Variants in TPST2 observed in about 807,000 individuals in gnomAD.
TPST2 encodes the protein protein-tyrosine sulfotransferase 2.
TPST2 carries 16 observed loss-of-function variants against 27.8 expected under a neutral mutation model. The ratio of observed to expected loss-of-function variants is 0.58; its 90% CI spans 0.39 to 0.88. TPST2 has a LOEUF of 0.88. Ranked by LOEUF, TPST2 falls within the 40% of genes least tolerant of loss-of-function variation. The pLI is 0.00. For synonymous variants in TPST2, 229 were observed against 231.7 expected (o/e 0.99, Z 0.10); for missense variants, 464 against 543.1 (o/e 0.85, Z 1.45).
chr22:26,578,845 C>A (rs997440335), intron 1 of TPST2, among the ~76,000 whole-genome samples: 14 of 148,358 alleles, frequency 9.4e-5, no homozygotes, highest in African/African-American at 3.6e-4. Flanking sequence ...GACCCTATTT[C>A]TTTCTTTCTT....
chr22:26,588,858 T>C (rs1421771153), intron 1 of TPST2, among the ~76,000 whole-genome samples: 2 of 152,066 alleles, frequency 1.3e-5, no homozygotes, highest in Non-Finnish European at 2.9e-5. Context: ...GGTTATCACA[T>C]GGAGGCTAGG....
intron 1 of TPST2, among the ~76,000 whole-genome samples, chr22:26,576,507 T>C (rs1480643096): frequency 6.6e-6 from 1 of 151,916 alleles, no homozygotes; most frequent in African/African-American, 2.4e-5. Flanking sequence ...TTTTAACACG[T>C]GCAGAAGTTA....
chr22:26,548,989 T>C (rs1398820167), intron 1 of TPST2, among the ~76,000 whole-genome samples: 63 of 151,740 alleles, frequency 4.2e-4, no homozygotes, highest in Admixed American at 4.0e-3. Context: ...AAATCTGAAA[T>C]CCAAAACCTT....
intron 4 of TPST2, 147 bp downstream of exon 4, chr22:26,536,141 G>T: frequency 9.2e-7 from 1 of 1,089,574 alleles, no homozygotes; most frequent in Non-Finnish European, 1.4e-6. Flanking sequence ...AAGCAATCAT[G>T]TAGTTCACTG....
intron 1 of TPST2, among the ~76,000 whole-genome samples, chr22:26,551,893 T>C (rs867792969): frequency 0.014 from 1,853 of 128,922 alleles, 43 homozygotes; most frequent in African/African-American, 0.063. Flanking sequence ...CTTTTTTTTT[T>C]TTTTTTTTTT....
chr22:26,582,714 C>T (rs915933322), intron 1 of TPST2, among the ~76,000 whole-genome samples: 7 of 152,122 alleles, frequency 4.6e-5, no homozygotes, highest in Non-Finnish European at 8.8e-5. Context: ...AGTGGCTATC[C>T]GTGCAGTGCT....
intron 5 of TPST2, 99 bp from the exon 6 acceptor site, chr22:26,528,361 G>T: frequency 7.3e-7 from 1 of 1,377,988 alleles, no homozygotes. Context: ...TCATGCACAT[G>T]CTTATTCACG....
intron 1 of TPST2, among the ~76,000 whole-genome samples, chr22:26,558,194 A>C (rs1276922287): frequency 6.6e-6 from 1 of 150,702 alleles, no homozygotes; most frequent in African/African-American, 2.4e-5. Context: ...GCTGGAGTGC[A>C]ATGGAGCAAT....
In TPST2 at chr22:26,540,896, G is replaced by C. The variant is rs780103356; in HGVS notation, c.735C>G (p.Pro245=). The part of the protein sequence containing the change: ...PVYYEQLVLH[P]RRSLKLILDF... The stretch of plus-strand genomic sequence containing the variant: ...CGAGGATGAGCTTGAGTGAGCGCCT[G>C]GGGTGCAGCACCAGCTGCTCGTAGT... The change falls in exon 3 of 7, where the codon CCC becomes CCG. Residue 245 remains proline (P), a synonymous_variant. Coordinates refer to ENST00000338754, the MANE Select transcript of TPST2 (RefSeq NM_003595.5). The C allele has an allele frequency of 1.7e-5, 28 of 1,614,054 alleles. No homozygotes were observed. Among genetic ancestry groups the C allele is most frequent in the Non-Finnish European group, 2.4e-5 (28 of 1,180,044 alleles).
At chr22:26,550,050 A>AC (rs60171991) in intron 1 of TPST2, among the ~76,000 whole-genome samples, 1 of 62,524 alleles carries the variant, frequency 1.6e-5, no homozygotes, top group Non-Finnish European at 3.2e-5. Context: ...AAAAAAAAAA[A>AC]CAAAAAAAAC....
chr22:26,536,723 C>G (rs1022193066), intron 3 of TPST2, among the ~76,000 whole-genome samples: 1 of 152,158 alleles, frequency 6.6e-6, no homozygotes, highest in African/African-American at 2.4e-5. Context: ...CAGTATACAC[C>G]ATTGGTACAT....
chr22:26,569,738 T>TC (rs978180887), intron 1 of TPST2, among the ~76,000 whole-genome samples: 2 of 151,442 alleles, frequency 1.3e-5, no homozygotes, highest in African/African-American at 4.9e-5. Context: ...TCACCTGAGG[T>TC]CAGGAGTTCA....
intron 5 of TPST2, among the ~76,000 whole-genome samples, chr22:26,528,570 G>A (rs1184215317): frequency 1.3e-5 from 2 of 152,118 alleles, no homozygotes; most frequent in East Asian, 1.9e-4. Flanking sequence ...CTTCAAAAAC[G>A]GTGGCCAGGA....
intron 1 of TPST2, among the ~76,000 whole-genome samples, chr22:26,564,817 C>A (rs2267093): frequency 6.6e-6 from 1 of 152,158 alleles, no homozygotes; most frequent in Non-Finnish European, 1.5e-5. Context: ...TGAGTTATAG[C>A]CATGGAAGGG....
intron 5 of TPST2, among the ~76,000 whole-genome samples, chr22:26,529,730 C>G (rs913620385): frequency 6.6e-6 from 1 of 152,120 alleles, no homozygotes; most frequent in African/African-American, 2.4e-5. Context: ...GAGTTGTATT[C>G]TTTTTTATGA....
intron 1 of TPST2, among the ~76,000 whole-genome samples, chr22:26,563,362 A>C (rs1602289358): frequency 1.3e-4 from 17 of 129,342 alleles, no homozygotes; most frequent in East Asian, 4.5e-4. Context: ...ACAGAGTCTC[A>C]CTCCAGCCCA....
chr22:26,579,428 T>C (rs1157849564), intron 1 of TPST2, among the ~76,000 whole-genome samples: 1 of 151,898 alleles, frequency 6.6e-6, no homozygotes, highest in East Asian at 2.0e-4. Flanking sequence ...TGGGGCCCGG[T>C]GGGGAAGGGA....
At chr22:26,548,577 AAAAG>A (rs1926261220) in intron 1 of TPST2, among the ~76,000 whole-genome samples, 3 of 129,982 alleles carry the variant, frequency 2.3e-5, no homozygotes, top group Admixed American at 7.9e-5. Flanking sequence ...AAGAGAAAGA[AAAAG>A]GAAGGAAGGA....
intron 1 of TPST2, among the ~76,000 whole-genome samples, chr22:26,586,227 T>G (rs958036907): frequency 7.2e-5 from 11 of 151,886 alleles, no homozygotes; most frequent in South Asian, 2.1e-4. Flanking sequence ...TAGGCTGCTT[T>G]CTTTCTTTCT....
Sources: allele counts gnomAD v4.1 joint callset (sites outside exome capture counted in the v4.1 genomes callset), GRCh38; gene constraint gnomAD v4.1.1; transcripts MANE v1.5; gene names NCBI Gene and HGNC (gene_info 2026-07-23, HGNC 2026-07-21).